The following PAX7 variants were observed in gnomAD, a reference collection of about 807,000 sequenced individuals.
PAX7 encodes the protein paired box protein Pax-7.
Under a neutral mutation model 50.7 loss-of-function variants are expected in PAX7, and 18 were observed. That is an observed-to-expected ratio of 0.36 (90% CI 0.25 to 0.53). The LOEUF (loss-of-function observed/expected upper bound fraction) is 0.53, where lower values mean the gene tolerates loss of function less well. Ranked by LOEUF, PAX7 falls within the 20% of genes least tolerant of loss-of-function variation. The pLI is 0.93. For missense variants in PAX7, 644 were observed against 702.9 expected (o/e 0.92, Z 0.95); for synonymous variants, 310 against 290.4 (o/e 1.07, Z -0.69).
chr1:18,664,299 C>G (rs4920338), intron 4 of PAX7, among the ~76,000 whole-genome samples: 1 of 152,076 alleles, frequency 6.6e-6, no homozygotes, highest in Non-Finnish European at 1.5e-5. Context: ...GCCTCTGAGG[C>G]GGTAGTGACC....
At chr1:18,688,147 T>C (rs1296245217) in intron 4 of PAX7, among the ~76,000 whole-genome samples, 1 of 152,200 alleles carries the variant, frequency 6.6e-6, no homozygotes, top group Non-Finnish European at 1.5e-5. Flanking sequence ...TTTTACTATA[T>C]CTAAAAGCAC....
At chr1:18,718,647 CT>C (rs11367355) in intron 7 of PAX7, among the ~76,000 whole-genome samples, 25,248 of 143,794 alleles carry the variant, frequency 0.18, 2,208 homozygotes, top group Middle Eastern at 0.26. Flanking sequence ...TTGACCCTTC[CT>C]TTTTTTTTTT....
intron 7 of PAX7, among the ~76,000 whole-genome samples, chr1:18,709,641 G>A (rs772195674): frequency 1.6e-4 from 25 of 152,134 alleles, no homozygotes; most frequent in Non-Finnish European, 3.2e-4. Flanking sequence ...TGTGACCCTC[G>A]TTTTACAGAT....
intron 4 of PAX7, among the ~76,000 whole-genome samples, chr1:18,682,301 C>T (rs2088912180): frequency 6.6e-6 from 1 of 152,092 alleles, no homozygotes; most frequent in South Asian, 2.1e-4. Context: ...CCCCAGGAGG[C>T]CTCTGGGGCA....
In PAX7 at chr1:18,735,524, A is replaced by T. The variant is rs2089698637; in HGVS notation, c.1156-108A>T. 1 of 1,515,878 alleles carries T rather than the reference A, an allele frequency of 6.6e-7. No individual in the cohort carries two copies. Among genetic ancestry groups the T allele is most frequent in the African/African-American group, 1.4e-5 (1 of 71,924 alleles). The allele number at this position is 1,515,878 out of a possible 1,614,324, so 93.9% of individuals were successfully genotyped here. The stretch of plus-strand genomic sequence containing the variant: ...TCGAAGCTACAGAGACTTCAAGGGA[A>T]CAACTCTGGCAAAGAGTGTTCCAGG... On this transcript the variant is annotated intron_variant, in intron 7 of 8. Coordinates refer to ENST00000420770, the MANE Select transcript of PAX7 (RefSeq NM_001135254.2). This position sits in a 1 kb window ranked among gnomAD's most constrained non-coding sequence, Gnocchi z 4.0.
intron 7 of PAX7, among the ~76,000 whole-genome samples, chr1:18,716,286 G>C (rs917683383): frequency 1.3e-5 from 2 of 152,262 alleles, no homozygotes; most frequent in South Asian, 4.1e-4. Flanking sequence ...TGCGCACCTC[G>C]GCCTTGTCAC....
intron 4 of PAX7, among the ~76,000 whole-genome samples, chr1:18,685,125 G>C (rs889456075): frequency 6.6e-6 from 1 of 152,168 alleles, no homozygotes; most frequent in Admixed American, 6.5e-5. Flanking sequence ...GGCCTTCTCC[G>C]GGCTGGGAGT....
rs192813415 is a variant in PAX7 at position 18,678,128 on chromosome 1, T to A, written c.587-13626T>A. 8.1e-4 allele frequency among the ~76,000 whole-genome samples: 116 copies of A among 142,586 alleles called. 1 individual carries two copies. Among genetic ancestry groups the A allele is most frequent in the South Asian group, 6.2e-3 (27 of 4,374 alleles). 93.5% of individuals were successfully genotyped at this position (142,586 alleles called of 152,430 possible). On this transcript the variant is annotated intron_variant, in intron 4 of 8. Transcript: ENST00000420770. Reference sequence around the variant, plus strand: ...GAAAAGAAAGAAAGAAAAGAAGCATTTAGCCGGGCGCAGTGGCTCACGCCT... The same window carrying A: ...GAAAAGAAAGAAAGAAAAGAAGCATATAGCCGGGCGCAGTGGCTCACGCCT...
intron 7 of PAX7, among the ~76,000 whole-genome samples, chr1:18,732,638 G>A (rs2089660626): frequency 6.6e-6 from 1 of 152,236 alleles, no homozygotes; most frequent in African/African-American, 2.4e-5. Context: ...GGGACAGGCA[G>A]CTAGAGGTCT....
At chr1:18,702,483 G>A (rs1433265643) in intron 6 of PAX7, among the ~76,000 whole-genome samples, 1 of 152,154 alleles carries the variant, frequency 6.6e-6, no homozygotes, top group African/African-American at 2.4e-5. Flanking sequence ...AATTGAACCA[G>A]TGTTGAGGGT....
At chr1:18,693,071 C>G (rs772153179) in intron 5 of PAX7, among the ~76,000 whole-genome samples, 3 of 152,092 alleles carry the variant, frequency 2.0e-5, no homozygotes, top group Non-Finnish European at 4.4e-5. Flanking sequence ...AGAGCCGGGA[C>G]AAGTCGTGAT....
In PAX7 at chr1:18,735,161, A is replaced by G. The variant is rs1203828399; in HGVS notation, c.1156-471A>G. ...AGCCACACACAGTGACAGCAGACAG[A>G]TCAAGAGTCCTGCTGTAATGTTTGT... On this transcript the variant is annotated intron_variant, in intron 7 of 8. Coordinates refer to ENST00000420770, the MANE Select transcript of PAX7 (RefSeq NM_001135254.2). This position sits in a 1 kb window ranked among gnomAD's most constrained non-coding sequence, Gnocchi z 4.0. Among the ~76,000 whole-genome samples, 1 of 152,166 alleles carries G rather than the reference A, an allele frequency of 6.6e-6. No homozygotes were observed. The highest frequency in any genetic ancestry group is 6.5e-5 in the Admixed American group (1 of 15,280).
intron 5 of PAX7, among the ~76,000 whole-genome samples, chr1:18,696,294 T>C (rs1056679336): frequency 6.6e-6 from 1 of 152,188 alleles, no homozygotes; most frequent in African/African-American, 2.4e-5. Flanking sequence ...CTTGAACTCC[T>C]GACCTCAGGT....
intron 1 of PAX7, among the ~76,000 whole-genome samples, chr1:18,633,937 T>C (rs553797368): frequency 4.6e-5 from 7 of 152,320 alleles, no homozygotes; most frequent in Admixed American, 3.3e-4. Context: ...TCTAAGGCTC[T>C]ACCAGCCTGG....
At chr1:18,647,970 A>T (rs1175020908) in intron 4 of PAX7, among the ~76,000 whole-genome samples, 1 of 152,230 alleles carries the variant, frequency 6.6e-6, no homozygotes, top group Non-Finnish European at 1.5e-5. Context: ...AGAAGAAGGT[A>T]GAAACGCACA....
intron 4 of PAX7, among the ~76,000 whole-genome samples, chr1:18,674,021 T>A (rs989276089): frequency 2.0e-5 from 3 of 152,176 alleles, no homozygotes; most frequent in Admixed American, 6.6e-5. Context: ...TACAAAACAA[T>A]CCTAACACAC....
Position 18,631,415 on chromosome 1 carries a change from G to T in PAX7, c.-189G>T. 1.7e-6 allele frequency: 1 copy of T among 592,750 alleles called. No homozygotes were observed. Among genetic ancestry groups the T allele is most frequent in the Non-Finnish European group, 3.0e-6 (1 of 329,374 alleles). The allele number at this position is 592,750 out of a possible 1,614,324, so 36.7% of individuals were successfully genotyped here. A position where few individuals can be genotyped will look rare whatever the true frequency, so the allele number is the denominator to read the frequency against. Reference sequence around the variant, plus strand: ...CCACCCCACCTCACCCCCCTCCCCAGCTTCTGGACGCGTTTGACTGCAGCC... The same window carrying T: ...CCACCCCACCTCACCCCCCTCCCCATCTTCTGGACGCGTTTGACTGCAGCC... On this transcript the variant is annotated 5_prime_UTR_variant, in exon 1 of 9. Coordinates refer to ENST00000420770, the MANE Select transcript of PAX7 (RefSeq NM_001135254.2).
At chr1:18,691,665 C>T (rs1472384334) in intron 4 of PAX7, 89 bp from the exon 5 acceptor site, 25 of 1,179,766 alleles carry the variant, frequency 2.1e-5, no homozygotes, top group South Asian at 1.3e-4. Flanking sequence ...TAGGTGGGCA[C>T]GAGTGTGCCT....
intron 7 of PAX7, among the ~76,000 whole-genome samples, chr1:18,714,194 G>A (rs2089389171): frequency 7.4e-6 from 1 of 134,512 alleles, no homozygotes; most frequent in South Asian, 2.4e-4. Context: ...GTGACAGAAT[G>A]AGGCTCCGTC....
Sources: allele counts gnomAD v4.1 joint callset (sites outside exome capture counted in the v4.1 genomes callset), GRCh38; gene constraint gnomAD v4.1.1; non-coding constraint Gnocchi (gnomAD v3.1); transcripts MANE v1.5; gene names NCBI Gene and HGNC (gene_info 2026-07-23, HGNC 2026-07-21).